TRAP1: variants seen among roughly 807,000 people sequenced by gnomAD.
The protein encoded by TRAP1 is TNF receptor associated protein 1.
Under a neutral mutation model 89.1 loss-of-function variants are expected in TRAP1, and 102 were observed. The ratio of observed to expected loss-of-function variants is 1.15; its 90% CI spans 0.98 to 1.35. The LOEUF is 1.35. Ranked by LOEUF, TRAP1 falls within the 40% of genes most tolerant of loss-of-function variation. TRAP1 has a pLI of 0.00. For missense variants in TRAP1, 1,256 were observed against 945.3 expected (o/e 1.33, Z -4.31); for synonymous variants, 508 against 388.0 (o/e 1.31, Z -3.64).
chr16:3,689,208 A>G, intron 2 of TRAP1, 71 bp from the exon 3 acceptor site: 1 of 1,243,756 alleles, frequency 8.0e-7, no homozygotes, highest in Non-Finnish European at 1.1e-6. Flanking sequence ...GCTACGTCAC[A>G]TTCCAAAGAA....
chr16:3,705,817 T>C (rs1226012661), intron 1 of TRAP1, among the ~76,000 whole-genome samples: 1 of 151,650 alleles, frequency 6.6e-6, no homozygotes, highest in East Asian at 1.9e-4. Flanking sequence ...GTAGCTGAGA[T>C]TACAGGCATG....
At position 3,658,170 on chromosome 16, in the gene TRAP1, G is replaced by T. The variant is rs143664485; in HGVS notation, c.2074C>A (p.Arg692Ser). ...GCCTTGACAAGCAGCTCATTCAAGC[G>T]GCCCACCATGGCCCTAGGGTCGTCA... ...LVDDPRAMVGRLNELLVKALE... is the reference protein window; with the variant it reads ...LVDDPRAMVGSLNELLVKALE... The change falls in exon 18 of 18, where the codon CGC becomes AGC. Residue 692 changes from arginine to serine, a missense_variant. Physicochemically the swap from Arg to Ser is moderately radical, Grantham distance 110. Transcript: ENST00000246957. The T allele has an allele frequency of 1.2e-6, 2 of 1,613,942 alleles. No homozygotes were observed. The highest frequency in any genetic ancestry group is 1.7e-6 in the Non-Finnish European group (2 of 1,179,878).
intron 1 of TRAP1, among the ~76,000 whole-genome samples, chr16:3,701,647 C>T (rs1194075112): frequency 1.3e-5 from 2 of 151,786 alleles, no homozygotes; most frequent in Admixed American, 6.6e-5. Flanking sequence ...AGCGAAGGAG[C>T]ACCAAACTAT....
intron 5 of TRAP1, 101 bp downstream of exon 5, chr16:3,679,618 G>C (rs2051047593): frequency 3.4e-6 from 4 of 1,192,344 alleles, no homozygotes; most frequent in Non-Finnish European, 5.0e-6. Context: ...GCATGCAACT[G>C]ACAACGTTCT....
chr16:3,683,186 C>T (rs1001485115), intron 4 of TRAP1, among the ~76,000 whole-genome samples: 1 of 151,712 alleles, frequency 6.6e-6, no homozygotes, highest in Non-Finnish European at 1.5e-5. Context: ...AAAAATCTTC[C>T]CGGTCATCAA....
chr16:3,712,951 T>A (rs1380950558), intron 1 of TRAP1, among the ~76,000 whole-genome samples: 1 of 152,154 alleles, frequency 6.6e-6, no homozygotes, highest in Non-Finnish European at 1.5e-5. Flanking sequence ...GATAACTCAG[T>A]TCCCTTGGTC....
rs1464715713 is a variant in TRAP1 at position 3,664,345 on chromosome 16, GGTA to G, written c.1495_1497del (p.Tyr499del). ...GCCAGGTGACGGTTGGGGGCGCACA[GGTA>G]GTAGATGTTGCGGGTGCCGGCCCGC... is the stretch of plus-strand genomic sequence containing the variant. On this transcript the variant is annotated inframe_deletion, in exon 13 of 18. Coordinates refer to ENST00000246957, the MANE Select transcript of TRAP1 (RefSeq NM_016292.3). The G allele has an allele frequency of 3.7e-6, 6 of 1,613,038 alleles. No homozygotes were observed. In the Admixed American group the frequency reaches 6.7e-5, roughly 18 times the overall value.
Position 3,676,056 on chromosome 16 carries a change from G to A in TRAP1, c.794C>T (p.Ser265Phe). ...CTCACCTCGCACCCGGGCCTCGCTGGAAAACTCCTTGCAGTCGGATTTCAG... is the reference window on the plus strand; with the variant it reads ...CTCACCTCGCACCCGGGCCTCGCTGAAAAACTCCTTGCAGTCGGATTTCAG... Reference protein sequence around the residue: ...IHLKSDCKEFSSEARVRDVVT... With the variant: ...IHLKSDCKEFFSEARVRDVVT... The change falls in exon 7 of 18, where the codon TCC (serine) becomes TTC (phenylalanine). Residue 265 changes from serine to phenylalanine, a missense_variant. Coordinates refer to ENST00000246957, the MANE Select transcript of TRAP1 (RefSeq NM_016292.3). 2 of 1,613,904 alleles carry A rather than the reference G, an allele frequency of 1.2e-6. No homozygotes were observed. The highest frequency in any genetic ancestry group is 1.7e-6 in the Non-Finnish European group (2 of 1,179,908).
rs376222883 is a variant in TRAP1, at chr16:3,694,814, G to A, written c.89-3829C>T. Reference sequence around the variant, plus strand: ...CAGCTTGGTTACCTACAGGAGGTGTGTATTAAACTCCCCGTGGCACAAACC... The same window carrying A: ...CAGCTTGGTTACCTACAGGAGGTGTATATTAAACTCCCCGTGGCACAAACC... On this transcript the variant is annotated intron_variant, in intron 1 of 17. Transcript: ENST00000246957. Among the ~76,000 whole-genome samples the A allele has an allele frequency of 5.6e-4, 85 of 152,200 alleles. 1 individual carries two copies. In the South Asian group the frequency reaches 0.017, roughly 30 times the overall value.
intron 4 of TRAP1, 40 bp from the exon 5 acceptor site, chr16:3,679,830 C>G: frequency 1.2e-6 from 2 of 1,608,888 alleles, no homozygotes; most frequent in Non-Finnish European, 1.7e-6. Context: ...CCCCCAGCAC[C>G]TGGGGAGCCG....
rs763357693 is a variant in TRAP1 at position 3,691,025 on chromosome 16, G to C, written c.89-40C>G. ...ATGCAGAAAGAATGAGAATTAGGAA[G>C]ACACGAGAAACAATATGGTAATTCG... is the stretch of plus-strand genomic sequence containing the variant. On this transcript the variant is annotated intron_variant, in intron 1 of 17. Coordinates refer to ENST00000246957, the MANE Select transcript of TRAP1 (RefSeq NM_016292.3). The C allele has an allele frequency of 8.4e-6, 12 of 1,422,618 alleles. No individual in the cohort carries two copies. The East Asian group carries it at 1.9e-4, about 22-fold the overall frequency. The allele number at this position is 1,422,618 out of a possible 1,614,324, so 88.1% of individuals were successfully genotyped here.
In TRAP1 at chr16:3,661,983, T is replaced by A; in HGVS notation, c.1940+4A>T. 1 of 1,598,366 alleles carries A rather than the reference T, an allele frequency of 6.3e-7. No individual in the cohort carries two copies. ...GGCTGGAAGAGCCAGGAGCGTGGCCTCACCTGGGGTTGATCTCCAGCGTGG... is the reference window on the plus strand; with the variant it reads ...GGCTGGAAGAGCCAGGAGCGTGGCCACACCTGGGGTTGATCTCCAGCGTGG... On this transcript the variant is annotated splice_donor_region_variant and intron_variant, in intron 16 of 17. Coordinates refer to ENST00000246957, the MANE Select transcript of TRAP1 (RefSeq NM_016292.3).
intron 9 of TRAP1, among the ~76,000 whole-genome samples, chr16:3,673,121 G>T (rs936206764): frequency 1.3e-5 from 2 of 152,090 alleles, no homozygotes; most frequent in Non-Finnish European, 2.9e-5. Context: ...CCTTGCTACA[G>T]GTCAGGGATC....
chr16:3,666,185 C>T lies in TRAP1; in HGVS notation c.1236-67G>A, dbSNP rs573794404. On this transcript the variant is annotated intron_variant, in intron 11 of 17. Transcript: ENST00000246957. Reference sequence around the variant, plus strand: ...ATGAAATACAAATGGCCAGAGGGTACGAAAAAATGTTCAGCCCCGCTAAGA... The same window carrying T: ...ATGAAATACAAATGGCCAGAGGGTATGAAAAAATGTTCAGCCCCGCTAAGA... The T allele has an allele frequency of 2.5e-5, 39 of 1,530,796 alleles. 1 individual carries two copies. The African/African-American group carries it at 4.5e-4, about 18-fold the overall frequency. 94.8% of individuals were successfully genotyped at this position (1,530,796 alleles called of 1,614,324 possible).
Position 3,661,927 on chromosome 16 carries a change from C to T in TRAP1, c.1940+60G>A, listed in dbSNP as rs1484408812. ...TGTGTCACATTCCACAACAAAAGAA[C>T]ACCACACACAGGATTCTGGGGAATC... On this transcript the variant is annotated intron_variant, in intron 16 of 17. Coordinates refer to ENST00000246957, the MANE Select transcript of TRAP1 (RefSeq NM_016292.3). 7 of 1,517,102 alleles carry T rather than the reference C, an allele frequency of 4.6e-6. No individual in the cohort carries two copies. The Admixed American group carries it at 1.3e-4, about 27-fold the overall frequency. 94.0% of individuals were successfully genotyped at this position (1,517,102 alleles called of 1,614,324 possible). A position where few individuals can be genotyped will look rare whatever the true frequency, so the allele number is the denominator to read the frequency against.
intron 1 of TRAP1, among the ~76,000 whole-genome samples, chr16:3,714,412 G>A (rs1435346680): frequency 3.9e-5 from 6 of 152,196 alleles, no homozygotes; most frequent in African/African-American, 1.4e-4. Context: ...TGTAATCCCA[G>A]CATTTTGGGA....
Position 3,663,487 on chromosome 16 carries a change from A to G in TRAP1, c.1645T>C (p.Ser549Pro). Residue 549 changes from serine (S) to proline (P), a missense_variant, in exon 14 of 18, where the codon TCT becomes CCT. Ser to Pro is a moderately conservative substitution (Grantham distance 74). Transcript: ENST00000246957. ...TCCACGACTATGTCCGTCTCCACAG[A>G]GATCAGCTTCTTCTTGTCAAACTCA... Reference protein sequence around the residue: ...LREFDKKKLISVETDIVVDHY... With the variant: ...LREFDKKKLIPVETDIVVDHY... 1 of 1,614,174 alleles carries G rather than the reference A, an allele frequency of 6.2e-7. No homozygotes were observed. The highest frequency in any genetic ancestry group is 1.1e-5 in the South Asian group (1 of 91,084).
chr16:3,671,801 A>G lies in TRAP1; in HGVS notation c.1166-10T>C, dbSNP rs1567228806. 3.7e-6 allele frequency: 6 copies of G among 1,612,256 alleles called. No homozygotes were observed. Among genetic ancestry groups the G allele is most frequent in the Non-Finnish European group, 5.1e-6 (6 of 1,179,940 alleles). The stretch of plus-strand genomic sequence containing the variant: ...TCACTGTCCACCACACCTGGGAGAC[A>G]CGGCAGTCAGCTTCTCCCGGGGCTG... On this transcript the variant is annotated splice_polypyrimidine_tract_variant and intron_variant, in intron 10 of 17. Transcript: ENST00000246957.
At chr16:3,700,247 ATCC>A (rs1368277655) in intron 1 of TRAP1, among the ~76,000 whole-genome samples, 1 of 149,362 alleles carries the variant, frequency 6.7e-6, no homozygotes, top group Non-Finnish European at 1.5e-5. Flanking sequence ...AGCTCACCCC[ATCC>A]TCCTCCTCCC....
Sources: gnomAD v4.1 joint callset for allele counts (sites outside exome capture counted in the v4.1 genomes callset) on GRCh38, gnomAD v4.1.1 for gene constraint, MANE v1.5 for transcripts, NCBI Gene and HGNC (gene_info 2026-07-23, HGNC 2026-07-21) for gene names.